The following UBE3A variants were observed in gnomAD, a reference collection of about 807,000 sequenced individuals.
UBE3A encodes the protein ubiquitin-protein ligase E3A.
A neutral mutation model predicts 83.4 loss-of-function variants in UBE3A; 6 were observed. That is an observed-to-expected ratio of 0.07 (90% confidence interval 0.04 to 0.14). The LOEUF (loss-of-function observed/expected upper bound fraction) is 0.14, where lower values mean the gene tolerates loss of function less well. Among genes scored for constraint, UBE3A ranks in the 10% least tolerant of loss-of-function variants. UBE3A has a pLI of 1.00. For synonymous variants in UBE3A, 337 were observed against 355.4 expected (o/e 0.95, Z 0.58); for missense variants, 456 against 1,036.1 (o/e 0.44, Z 7.69).
intron 4 of UBE3A, among the ~76,000 whole-genome samples, chr15:25,403,785 A>G (rs2087755523): frequency 6.6e-6 from 1 of 152,172 alleles, no homozygotes; most frequent in Non-Finnish European, 1.5e-5. Context: ...AAGGATGCAA[A>G]TTTTGAAACA....
chr15:25,402,086 G>C (rs147343596), intron 4 of UBE3A, among the ~76,000 whole-genome samples: 161 of 152,218 alleles, frequency 1.1e-3, no homozygotes, highest in African/African-American at 3.9e-3. Flanking sequence ...CCTTTGACTG[G>C]TGTCACGTTT....
chr15:25,395,989 G>A (rs775061242), intron 4 of UBE3A, among the ~76,000 whole-genome samples: 1 of 152,088 alleles, frequency 6.6e-6, no homozygotes, highest in Non-Finnish European at 1.5e-5. Flanking sequence ...CAGATCACGA[G>A]GTCAGGAGTT....
chr15:25,404,667 TAC>T (rs1250383871), intron 4 of UBE3A, among the ~76,000 whole-genome samples: 8 of 152,310 alleles, frequency 5.3e-5, no homozygotes, highest in Non-Finnish European at 8.8e-5. Context: ...TTATTAAAAA[TAC>T]ACGTTTGACA....
At chr15:25,345,467 C>A (rs1164133564) in intron 11 of UBE3A, among the ~76,000 whole-genome samples, 1 of 151,972 alleles carries the variant, frequency 6.6e-6, no homozygotes, top group Non-Finnish European at 1.5e-5. Context: ...ATATTTTTGA[C>A]CATTTTACAA....
intron 1 of UBE3A, among the ~76,000 whole-genome samples, chr15:25,432,222 T>C (rs1028169706): frequency 9.2e-5 from 14 of 152,236 alleles, no homozygotes; most frequent in Non-Finnish European, 1.9e-4. Context: ...CATATGTCCA[T>C]AGTGAATACA....
At chr15:25,347,228 T>C (rs1388965359) in intron 11 of UBE3A, 1 of 152,176 alleles carries the variant, frequency 6.6e-6, no homozygotes, top group Non-Finnish European at 1.5e-5. Flanking sequence ...GGATAACTGA[T>C]ACAAAAACTG....
chr15:25,396,211 T>A (rs922608263), intron 4 of UBE3A, among the ~76,000 whole-genome samples: 1 of 151,500 alleles, frequency 6.6e-6, no homozygotes, highest in Non-Finnish European at 1.5e-5. Flanking sequence ...AAAAAAAAAA[T>A]CTGAAGTTAC....
chr15:25,364,338 C>T (rs1225821958), intron 6 of UBE3A, among the ~76,000 whole-genome samples: 1 of 152,024 alleles, frequency 6.6e-6, no homozygotes, highest in African/African-American at 2.4e-5. Flanking sequence ...GCATAAACAG[C>T]TGTACTGATA....
chr15:25,413,819 A>C (rs781339966), intron 1 of UBE3A, among the ~76,000 whole-genome samples: 5 of 152,098 alleles, frequency 3.3e-5, no homozygotes, highest in Admixed American at 2.6e-4. Context: ...TGTAGCTTTT[A>C]AGACTGCTAA....
At chr15:25,355,784 G>GTTT in intron 9 of UBE3A, 108 bp downstream of exon 9, 3 of 983,348 alleles carry the variant, frequency 3.1e-6, no homozygotes, top group South Asian at 1.7e-5. Context: ...TTAGTTACTT[G>GTTT]TTTTTTTTTT....
chr15:25,383,429 G>A (rs991767708), intron 4 of UBE3A, among the ~76,000 whole-genome samples: 4 of 152,120 alleles, frequency 2.6e-5, no homozygotes, highest in Admixed American at 2.6e-4. Context: ...CTGAGGTCAG[G>A]AGTGTGAGAC....
chr15:25,426,907 C>T (rs1370796912), intron 1 of UBE3A, among the ~76,000 whole-genome samples: 1 of 152,018 alleles, frequency 6.6e-6, no homozygotes, highest in African/African-American at 2.4e-5. Flanking sequence ...CAGCCTGGAA[C>T]TCCAGGGTTC....
At chr15:25,391,296 A>C (rs2084316924) in intron 4 of UBE3A, among the ~76,000 whole-genome samples, 1 of 152,236 alleles carries the variant, frequency 6.6e-6, no homozygotes, top group African/African-American at 2.4e-5. Context: ...AAAACAGTCA[A>C]ATTTTAGAGG....
At chr15:25,403,917 A>C (rs1016567180) in intron 4 of UBE3A, among the ~76,000 whole-genome samples, 25 of 152,198 alleles carry the variant, frequency 1.6e-4, no homozygotes, top group African/African-American at 6.0e-4. Flanking sequence ...GACACAAAGT[A>C]GAATAATGGT....
At chr15:25,365,100 C>A (rs1406246301) in intron 6 of UBE3A, among the ~76,000 whole-genome samples, 1 of 151,986 alleles carries the variant, frequency 6.6e-6, no homozygotes, top group Non-Finnish European at 1.5e-5. Flanking sequence ...CTTTAAGACT[C>A]TTGATTTCAT....
At chr15:25,339,790 G>A (rs532144460) in intron 12 of UBE3A, 2 of 422,796 alleles carry the variant, frequency 4.7e-6, no homozygotes, top group African/African-American at 4.0e-5. Flanking sequence ...ATTCTAAATA[G>A]ATGATCATGT....
intron 12 of UBE3A, 179 bp downstream of exon 12, chr15:25,339,906 T>C (rs1465245870): frequency 1.3e-6 from 1 of 783,210 alleles, no homozygotes; most frequent in African/African-American, 1.8e-5. Flanking sequence ...CTAGGGCAAT[T>C]TCTTAAAAGT....
chr15:25,433,688 G>A (rs1894167028), intron 1 of UBE3A, among the ~76,000 whole-genome samples: 1 of 152,060 alleles, frequency 6.6e-6, no homozygotes, highest in South Asian at 2.1e-4. Flanking sequence ...CAATGACTCT[G>A]ATGCACTTAA....
chr15:25,419,306 C>G (rs566397815), intron 1 of UBE3A: 11 of 151,984 alleles, frequency 7.2e-5, no homozygotes, highest in Admixed American at 4.6e-4. Flanking sequence ...AAAAAAGACA[C>G]TAGAAGAAGA....
Sources: gnomAD v4.1 joint callset for allele counts (sites outside exome capture counted in the v4.1 genomes callset) on GRCh38, gnomAD v4.1.1 for gene constraint, MANE v1.5 for transcripts, NCBI Gene and HGNC (gene_info 2026-07-23, HGNC 2026-07-21) for gene names.